The following LRP1B variants were observed in gnomAD, a reference collection of about 807,000 sequenced individuals.
LRP1B encodes the protein LDL receptor related protein 1B.
Under a neutral mutation model 556.6 loss-of-function variants are expected in LRP1B, and 217 were observed. That is an observed-to-expected ratio of 0.39 (90% CI 0.35 to 0.44). The LOEUF (loss-of-function observed/expected upper bound fraction) is 0.44. Among genes scored for constraint, LRP1B ranks in the 20% least tolerant of loss-of-function variants. The pLI is 1.00. For missense variants in LRP1B, 5,053 were observed against 5,620.8 expected, an observed-to-expected ratio of 0.90 and a Z score of 3.23; for synonymous variants, 2,047 against 1,865.8, an observed-to-expected ratio of 1.10 and a Z score of -2.50.
chr2:140,974,987 G>T (rs1370546939), intron 18 of LRP1B, among the ~76,000 whole-genome samples: 2 of 152,252 alleles, frequency 1.3e-5, no homozygotes, highest in Non-Finnish European at 2.9e-5. Flanking sequence ...GAAGAACAAA[G>T]AACTGGAGAG....
intron 2 of LRP1B, among the ~76,000 whole-genome samples, chr2:141,487,913 G>A (rs1449988672): frequency 6.6e-6 from 1 of 152,104 alleles, no homozygotes; most frequent in African/African-American, 2.4e-5. Context: ...ACCTCACCAA[G>A]ACTCTTCTTT....
At chr2:141,574,630 A>G (rs1029009474) in intron 2 of LRP1B, among the ~76,000 whole-genome samples, 5 of 152,284 alleles carry the variant, frequency 3.3e-5, no homozygotes, top group African/African-American at 1.2e-4. Flanking sequence ...AGAAAGAAAT[A>G]AAGATTATTC....
intron 2 of LRP1B, among the ~76,000 whole-genome samples, chr2:141,667,374 G>C (rs1034097329): frequency 5.3e-5 from 8 of 152,192 alleles, no homozygotes; most frequent in African/African-American, 1.2e-4. Flanking sequence ...CACTATGCTT[G>C]CTTAAATATA....
intron 60 of LRP1B, among the ~76,000 whole-genome samples, chr2:140,468,985 T>C (rs1266790179): frequency 6.6e-6 from 1 of 152,216 alleles, no homozygotes; most frequent in Non-Finnish European, 1.5e-5. Context: ...TTCACTCATA[T>C]CTGATTTAGA....
At chr2:140,470,001 G>A (rs986662843) in intron 60 of LRP1B, among the ~76,000 whole-genome samples, 2 of 152,166 alleles carry the variant, frequency 1.3e-5, no homozygotes, top group Non-Finnish European at 2.9e-5. Context: ...CTTGAAATCA[G>A]TAGGCTTCTA....
intron 41 of LRP1B, among the ~76,000 whole-genome samples, chr2:140,654,010 A>G (rs1478574181): frequency 1.5e-5 from 2 of 136,848 alleles, no homozygotes; most frequent in Non-Finnish European, 3.1e-5. Flanking sequence ...GGGAGACAAG[A>G]GCAAGACTCC....
At chr2:140,273,480 CAT>C (rs1191457668) in intron 85 of LRP1B, among the ~76,000 whole-genome samples, 1 of 151,996 alleles carries the variant, frequency 6.6e-6, no homozygotes, top group Admixed American at 6.6e-5. Context: ...TAATACAAAT[CAT>C]ATTTAAATTC....
intron 43 of LRP1B, among the ~76,000 whole-genome samples, chr2:140,561,370 C>G (rs938100051): frequency 6.6e-6 from 1 of 152,172 alleles, no homozygotes; most frequent in African/African-American, 2.4e-5. Context: ...AGCATTTGAT[C>G]ATACCCTTCT....
At chr2:141,237,539 AACTC>A (rs1683693673) in intron 5 of LRP1B, among the ~76,000 whole-genome samples, 1 of 151,910 alleles carries the variant, frequency 6.6e-6, no homozygotes, top group Non-Finnish European at 1.5e-5. Context: ...GCATTGTAAA[AACTC>A]ACTCAGGTAA....
chr2:141,860,675 T>C (rs1698209681), intron 1 of LRP1B, among the ~76,000 whole-genome samples: 1 of 152,100 alleles, frequency 6.6e-6, no homozygotes, highest in South Asian at 2.1e-4. Flanking sequence ...ATGGTAAAAA[T>C]AGAAATATAA....
chr2:141,870,088 C>T (rs1031404877), intron 1 of LRP1B, among the ~76,000 whole-genome samples: 3 of 151,916 alleles, frequency 2.0e-5, no homozygotes, highest in African/African-American at 7.2e-5. Context: ...ATGAGGAAGG[C>T]ACAAGCAAAT....
intron 41 of LRP1B, among the ~76,000 whole-genome samples, chr2:140,661,529 T>C (rs930847219): frequency 6.8e-6 from 1 of 146,310 alleles, no homozygotes. Context: ...AAACGCAGTG[T>C]GGTGGCACAC....
At chr2:141,804,252 T>C (rs1696101214) in intron 2 of LRP1B, among the ~76,000 whole-genome samples, 1 of 152,124 alleles carries the variant, frequency 6.6e-6, no homozygotes, top group Admixed American at 6.6e-5. Context: ...CTGCTTTCCC[T>C]AACAAGAGCT....
intron 17 of LRP1B, among the ~76,000 whole-genome samples, chr2:140,985,870 TTTTTG>T (rs1696906907): frequency 6.6e-6 from 1 of 151,964 alleles, no homozygotes; most frequent in African/African-American, 2.4e-5. Flanking sequence ...CAGATTTTTA[TTTTTG>T]TTTTATCTAA....
intron 2 of LRP1B, among the ~76,000 whole-genome samples, chr2:141,598,169 T>C (rs1174380892): frequency 6.6e-6 from 1 of 152,018 alleles, no homozygotes; most frequent in Non-Finnish European, 1.5e-5. Context: ...GTTTCTTTTA[T>C]ACATTAAAGG....
At chr2:141,592,592 G>T (rs1183149266) in intron 2 of LRP1B, among the ~76,000 whole-genome samples, 1 of 152,158 alleles carries the variant, frequency 6.6e-6, no homozygotes, top group Non-Finnish European at 1.5e-5. Flanking sequence ...TATCTAAAAT[G>T]ATCACCGGAC....
chr2:140,807,704 T>G (rs1690769465), intron 32 of LRP1B, among the ~76,000 whole-genome samples: 1 of 152,044 alleles, frequency 6.6e-6, no homozygotes, highest in Admixed American at 6.6e-5. Context: ...TGCAAAATAC[T>G]TAGAAAAAAT....
intron 1 of LRP1B, among the ~76,000 whole-genome samples, chr2:141,878,020 C>A (rs1178174137): frequency 6.6e-6 from 1 of 151,842 alleles, no homozygotes; most frequent in African/African-American, 2.4e-5. Context: ...TTGACATTCC[C>A]TAAAATGTTT....
chr2:141,426,487 G>A (rs1217691692), intron 3 of LRP1B, among the ~76,000 whole-genome samples: 2 of 152,042 alleles, frequency 1.3e-5, no homozygotes, highest in Admixed American at 1.3e-4. Context: ...CCTGATTTGG[G>A]CCCATATCCT....
Sources: allele counts gnomAD v4.1 joint callset (sites outside exome capture counted in the v4.1 genomes callset), GRCh38; gene constraint gnomAD v4.1.1; transcripts MANE v1.5; gene names NCBI Gene and HGNC (gene_info 2026-07-23, HGNC 2026-07-21).